GLRA2: variants seen among roughly 807,000 people sequenced by gnomAD.
GLRA2 encodes the protein glycine receptor alpha 2.
In GLRA2, 11 loss-of-function variants were observed where a neutral mutation model predicts 31.6. The ratio of observed to expected loss-of-function variants is 0.35; its 90% CI spans 0.22 to 0.58. The LOEUF (loss-of-function observed/expected upper bound fraction) is 0.58. Among genes scored for constraint, GLRA2 ranks in the 20% least tolerant of loss-of-function variants. The pLI is 0.84. For synonymous variants in GLRA2, 132 were observed against 134.0 expected (o/e 0.99, Z 0.10); for missense variants, 212 against 351.8 (o/e 0.60, Z 3.18).
the GLRA2 span, among the ~76,000 whole-genome samples, chrX:14,452,439 G>T: frequency 8.9e-6 from 1 of 112,485 alleles, no homozygotes; most frequent in East Asian, 2.8e-4. Context: ...CTGTACCACT[G>T]CACAGGCATT....
the GLRA2 span, among the ~76,000 whole-genome samples, chrX:14,475,606 T>G: frequency 9.0e-6 from 1 of 111,341 alleles, no homozygotes; most frequent in Non-Finnish European, 1.9e-5. Flanking sequence ...CATTAAAGTT[T>G]AAGAACCACT....
the GLRA2 span, among the ~76,000 whole-genome samples, chrX:14,513,669 C>G: frequency 2.7e-5 from 3 of 111,796 alleles, no homozygotes; most frequent in African/African-American, 9.7e-5. Flanking sequence ...AAAAAATGCT[C>G]AACATCACTA....
At chrX:14,650,221 C>T (rs1252437104) in intron 7 of GLRA2, among the ~76,000 whole-genome samples, 1 of 110,816 alleles carries the variant, frequency 9.0e-6, no homozygotes, top group African/African-American at 3.3e-5. Context: ...ATCACGTTTG[C>T]CTCCATTAAG....
chrX:14,718,124 A>G (rs2147249449), intron 8 of GLRA2, among the ~76,000 whole-genome samples: 1 of 111,250 alleles, frequency 9.0e-6, no homozygotes, highest in South Asian at 3.8e-4. Flanking sequence ...ATTGATTCCT[A>G]TAGTAGGGTG....
intron 3 of GLRA2, among the ~76,000 whole-genome samples, chrX:14,580,511 G>A (rs982573730): frequency 7.1e-5 from 8 of 112,089 alleles, no homozygotes; most frequent in African/African-American, 1.3e-4. Flanking sequence ...TGCCAGGGGT[G>A]TACCTAAGTC....
At chrX:14,524,658 T>A (rs2089181919), upstream of GLRA2, among the ~76,000 whole-genome samples, 1 of 111,516 alleles carries the variant, frequency 9.0e-6, no homozygotes, top group Admixed American at 9.6e-5. Context: ...TGACACAGGA[T>A]ATTGATATAT....
intron 7 of GLRA2, among the ~76,000 whole-genome samples, chrX:14,683,559 C>T (rs1384613439): frequency 9.0e-6 from 1 of 111,312 alleles, no homozygotes; most frequent in Non-Finnish European, 1.9e-5. Context: ...TAATTAGATC[C>T]CATTTGTCAA....
In GLRA2 at chrX:14,609,049, G is replaced by C. The variant is rs1415820783; in HGVS notation, c.774G>C (p.Leu258Phe). Reference protein sequence around the residue: ...FHLERQMGYYLIQMYIPSLLI... With the variant: ...FHLERQMGYYFIQMYIPSLLI... Reference sequence around the variant, plus strand: ...TGGAACGCCAAATGGGATATTATTTGATCCAGATGTACATCCCAAGCCTGC... The same window carrying C: ...TGGAACGCCAAATGGGATATTATTTCATCCAGATGTACATCCCAAGCCTGC... The change falls in exon 7 of 9, where the codon TTG (leucine) becomes TTC (phenylalanine). Residue 258 changes from leucine (L) to phenylalanine (F), a missense_variant. Physicochemically the swap from Leu to Phe is conservative, Grantham distance 22. Coordinates refer to ENST00000218075, the MANE Select transcript of GLRA2 (RefSeq NM_002063.4). The C allele has an allele frequency of 1.7e-6, 2 of 1,185,847 alleles. No individual in the cohort carries two copies. Among genetic ancestry groups the C allele is most frequent in the South Asian group, 3.5e-5 (2 of 56,352 alleles).
At chrX:14,478,630 A>G in the GLRA2 span, among the ~76,000 whole-genome samples, 7 of 112,400 alleles carry the variant, frequency 6.2e-5, no homozygotes, top group African/African-American at 2.3e-4. Flanking sequence ...TTCTTAAAAA[A>G]TGATGATTTC....
chrX:14,569,191 G>A (rs1052689116), intron 2 of GLRA2, among the ~76,000 whole-genome samples: 1 of 111,304 alleles, frequency 9.0e-6, no homozygotes. Flanking sequence ...GGAGGCAGAG[G>A]TTGCAGTGAG....
chrX:14,538,474 C>T (rs1316564690), intron 2 of GLRA2, among the ~76,000 whole-genome samples: 14 of 111,682 alleles, frequency 1.3e-4, no homozygotes, highest in Non-Finnish European at 2.6e-4. Flanking sequence ...GAAATTCGGG[C>T]ATCTTAGATT....
Position 14,617,913 on chromosome X carries a change from T to G in GLRA2, c.930+8708T>G, listed in dbSNP as rs538600592. On this transcript the variant is annotated intron_variant, in intron 7 of 8. Transcript: ENST00000218075. ...CTGGAACTTCCTGGAAGAAGGGACA[T>G]GAGGAAGCAGCACCTGAACTAAATT... Among the ~76,000 whole-genome samples the G allele has an allele frequency of 2.7e-5, 3 of 112,083 alleles. No individual in the cohort carries two copies. The South Asian group carries it at 1.1e-3, about 41-fold the overall frequency.
intron 8 of GLRA2, among the ~76,000 whole-genome samples, chrX:14,724,571 A>C (rs898619623): frequency 1.0e-5 from 1 of 98,715 alleles, no homozygotes; most frequent in Admixed American, 1.2e-4. Flanking sequence ...GGTTGCAGTG[A>C]GATGAGATCA....
intron 7 of GLRA2, among the ~76,000 whole-genome samples, chrX:14,629,434 G>A (rs762961719): frequency 9.0e-6 from 1 of 111,695 alleles, no homozygotes; most frequent in Non-Finnish European, 1.9e-5. Flanking sequence ...AACCAGAAAA[G>A]TAGTGGGAGA....
At chrX:14,606,271 G>A (rs2090333578) in intron 5 of GLRA2, among the ~76,000 whole-genome samples, 1 of 110,415 alleles carries the variant, frequency 9.1e-6, no homozygotes, top group Non-Finnish European at 1.9e-5. Flanking sequence ...AAGGGAAAAG[G>A]TAGAGAAATG....
intron 7 of GLRA2, among the ~76,000 whole-genome samples, chrX:14,610,867 A>G (rs950038992): frequency 3.6e-5 from 4 of 112,461 alleles, no homozygotes; most frequent in Non-Finnish European, 7.5e-5. Context: ...TTCTGCATCA[A>G]TGGTCAAAAC....
chrX:14,522,304 T>G, the GLRA2 span, among the ~76,000 whole-genome samples: 1 of 112,308 alleles, frequency 8.9e-6, no homozygotes, highest in African/African-American at 3.2e-5. Flanking sequence ...GTCATGGGTT[T>G]GCAGCAATTC....
chrX:14,722,916 A>C (rs1442843667), intron 8 of GLRA2, among the ~76,000 whole-genome samples: 1 of 112,821 alleles, frequency 8.9e-6, no homozygotes, highest in Non-Finnish European at 1.9e-5. Flanking sequence ...TGAATCCAAA[A>C]TTATTTACAA....
At chrX:14,677,493 A>G (rs2091156875) in intron 7 of GLRA2, among the ~76,000 whole-genome samples, 1 of 112,134 alleles carries the variant, frequency 8.9e-6, no homozygotes, top group African/African-American at 3.2e-5. Flanking sequence ...GGGCAAGACG[A>G]CCGTGGGCTA....
Sources: allele counts gnomAD v4.1 joint callset (sites outside exome capture counted in the v4.1 genomes callset), GRCh38; gene constraint gnomAD v4.1.1; transcripts MANE v1.5; gene names NCBI Gene and HGNC (gene_info 2026-07-23, HGNC 2026-07-21).